RSBN1L: variants seen among roughly 807,000 people sequenced by gnomAD.
RSBN1L encodes the protein round spermatid basic protein 1 like.
In RSBN1L, 30 loss-of-function variants were observed where a neutral mutation model predicts 67.7. The observed-to-expected ratio is 0.44, with a 90% confidence interval of 0.33 to 0.60. The LOEUF (loss-of-function observed/expected upper bound fraction) is 0.60. RSBN1L is among the 20% of genes least tolerant of loss of function. The pLI is 0.02. For synonymous variants in RSBN1L, 433 were observed against 387.0 expected, an observed-to-expected ratio of 1.12 and a Z score of -1.39; for missense variants, 992 against 1,031.7, an observed-to-expected ratio of 0.96 and a Z score of 0.53.
chr7:77,712,649 A>G (rs1790990929), intron 1 of RSBN1L, among the ~76,000 whole-genome samples: 1 of 152,174 alleles, frequency 6.6e-6, no homozygotes, highest in Non-Finnish European at 1.5e-5. Context: ...ATTTAGCAGT[A>G]TATTAGAAAT....
At chr7:77,742,129 A>G (rs1487093744) in intron 2 of RSBN1L, among the ~76,000 whole-genome samples, 3 of 149,150 alleles carry the variant, frequency 2.0e-5, no homozygotes, top group Non-Finnish European at 3.0e-5. Flanking sequence ...TGGGAGTACG[A>G]GACCAGCCTG....
chr7:77,731,645 T>C (rs565760818), intron 1 of RSBN1L, among the ~76,000 whole-genome samples: 1 of 152,356 alleles, frequency 6.6e-6, no homozygotes, highest in South Asian at 2.1e-4. Flanking sequence ...TCTTATAGTC[T>C]GTGGCTTCTT....
intron 1 of RSBN1L, among the ~76,000 whole-genome samples, chr7:77,726,849 C>G (rs956397629): frequency 7.2e-6 from 1 of 138,740 alleles, no homozygotes; most frequent in Non-Finnish European, 1.5e-5. Context: ...GGTGCGATCT[C>G]GGCTCACTGC....
intron 2 of RSBN1L, among the ~76,000 whole-genome samples, chr7:77,742,305 A>G (rs543870264): frequency 1.8e-4 from 28 of 152,154 alleles, no homozygotes; most frequent in African/African-American, 6.0e-4. Context: ...ACTTGGTGCA[A>G]TTTCTGAAAG....
rs1791869530 is a variant in RSBN1L at position 77,773,155 on chromosome 7, A to G, written c.1634A>G (p.Asn545Ser). 9 of 1,579,106 alleles carry G rather than the reference A, an allele frequency of 5.7e-6. No homozygotes were observed. Among genetic ancestry groups the G allele is most frequent in the Non-Finnish European group, 6.0e-6 (7 of 1,165,592 alleles). ...CTTTTTTTAAAAAACAGAACTACCAATGAAATAAAAAATCTTCAGTACCTA... is the reference window on the plus strand; with the variant it reads ...CTTTTTTTAAAAAACAGAACTACCAGTGAAATAAAAAATCTTCAGTACCTA... ...KSPFKRKRTT[N>S]EIKNLQYLPR... The change falls in exon 6 of 8, where the codon AAT (asparagine) becomes AGT (serine). Residue 545 changes from asparagine (N) to serine (S), a missense_variant. Coordinates refer to ENST00000334955, the MANE Select transcript of RSBN1L (RefSeq NM_198467.3).
chr7:77,725,169 T>C (rs974826400), intron 1 of RSBN1L, among the ~76,000 whole-genome samples: 1 of 148,752 alleles, frequency 6.7e-6, no homozygotes, highest in Non-Finnish European at 1.5e-5. Flanking sequence ...TTGCAGAAGT[T>C]TCAAATAATT....
intron 3 of RSBN1L, among the ~76,000 whole-genome samples, chr7:77,753,539 T>C (rs1043859125): frequency 2.0e-5 from 3 of 152,238 alleles, no homozygotes; most frequent in African/African-American, 7.2e-5. Flanking sequence ...GTATTGCAAA[T>C]ATTTCCTCTC....
intron 5 of RSBN1L, 37 bp downstream of exon 5, chr7:77,768,840 T>G (rs1441064561): frequency 1.3e-6 from 2 of 1,593,260 alleles, no homozygotes; most frequent in Non-Finnish European, 1.7e-6. Flanking sequence ...AGGGGATGAG[T>G]GTTTGTATGT....
chr7:77,739,986 A>G (rs1163831191), intron 2 of RSBN1L, among the ~76,000 whole-genome samples: 1 of 151,502 alleles, frequency 6.6e-6, no homozygotes, highest in African/African-American at 2.4e-5. Flanking sequence ...TCCTGAGGTC[A>G]GGCAGCCTGC....
chr7:77,773,167 A>G lies in RSBN1L; in HGVS notation c.1646A>G (p.Asn549Ser), dbSNP rs1214384446. The change falls in exon 6 of 8, where the codon AAT becomes AGT. Residue 549 changes from asparagine to serine, a missense_variant. By Grantham distance (46) the Asn-to-Ser change is conservative (BLOSUM62 1). Coordinates refer to ENST00000334955, the MANE Select transcript of RSBN1L (RefSeq NM_198467.3). ...AACAGAACTACCAATGAAATAAAAAATCTTCAGTACCTACCTCGAACAAGT... is the reference window on the plus strand; with the variant it reads ...AACAGAACTACCAATGAAATAAAAAGTCTTCAGTACCTACCTCGAACAAGT... ...KRKRTTNEIK[N>S]LQYLPRTSEP... The G allele has an allele frequency of 6.3e-7, 1 of 1,586,650 alleles. No homozygotes were observed. The highest frequency in any genetic ancestry group is 1.4e-5 in the African/African-American group (1 of 73,308).
At chr7:77,773,636 G>A (rs529887532) in intron 6 of RSBN1L, among the ~76,000 whole-genome samples, 18 of 152,116 alleles carry the variant, frequency 1.2e-4, no homozygotes, top group Non-Finnish European at 2.5e-4. Flanking sequence ...GGTGGCGCAC[G>A]CCTGTAGTCC....
rs1554338354 is a variant in RSBN1L, at chr7:77,725,243, A to AATTTTT, written c.587-11167_587-11166insATTTTT. 6.4e-4 allele frequency among the ~76,000 whole-genome samples: 37 copies of AATTTTT among 57,910 alleles called. 2 individuals carry two copies. The highest frequency in any genetic ancestry group is 3.2e-3 in the African/African-American group (36 of 11,294). The allele number at this position is 57,910 out of a possible 152,430, so 38.0% of individuals were successfully genotyped here. A position where few individuals can be genotyped will look rare whatever the true frequency, so the allele number is the denominator to read the frequency against. On this transcript the variant is annotated intron_variant, in intron 1 of 7. Coordinates refer to ENST00000334955, the MANE Select transcript of RSBN1L (RefSeq NM_198467.3). ...TTTCTTCCCTAGGGATAAGCCCCCC[A>AATTTTT]CTTTTTTTTTTTTTTTTTTTTTGAG...
Position 77,721,575 on chromosome 7 carries a change from G to A in RSBN1L, c.587-14835G>A, listed in dbSNP as rs532755624. ...AAATTTCACCGTAATCTTACAGGAT[G>A]TGTAGGATTTGGGCAGGAGGAATTG... On this transcript the variant is annotated intron_variant, in intron 1 of 7. Transcript: ENST00000334955. Among the ~76,000 whole-genome samples, 7 of 152,312 alleles carry A rather than the reference G, an allele frequency of 4.6e-5. No homozygotes were observed. The East Asian group carries it at 1.4e-3, about 29-fold the overall frequency.
chr7:77,750,218 G>A (rs1343365970), intron 3 of RSBN1L, among the ~76,000 whole-genome samples, 154 bp downstream of exon 3: 4 of 148,990 alleles, frequency 2.7e-5, no homozygotes, highest in African/African-American at 9.9e-5. Context: ...CTTGATGTGA[G>A]CATCAGAATT....
chr7:77,739,087 C>A (rs750965861), intron 2 of RSBN1L, among the ~76,000 whole-genome samples: 1 of 152,190 alleles, frequency 6.6e-6, no homozygotes, highest in Non-Finnish European at 1.5e-5. Flanking sequence ...TCTGTTGTTA[C>A]TATCTACGAG....
intron 1 of RSBN1L, among the ~76,000 whole-genome samples, chr7:77,708,336 G>A (rs1203076772): frequency 1.3e-5 from 2 of 152,064 alleles, no homozygotes; most frequent in East Asian, 1.9e-4. Context: ...AGATGGCATG[G>A]CAGTTGAAAG....
rs1421819345 is a variant in RSBN1L at position 77,768,657 on chromosome 7, C to G, written c.1483-4C>G. On this transcript the variant is annotated splice_region_variant and splice_polypyrimidine_tract_variant and intron_variant, in intron 4 of 7. Transcript: ENST00000334955. The stretch of plus-strand genomic sequence containing the variant: ...TTGCAATCTGCATAATTATTTATCT[C>G]CAGTGTACACTGCCATGGGGGACGC... 2 of 1,611,304 alleles carry G rather than the reference C, an allele frequency of 1.2e-6. No homozygotes were observed. Among genetic ancestry groups the G allele is most frequent in the Admixed American group, 1.7e-5 (1 of 59,694 alleles).
At chr7:77,735,168 T>C (rs188427916) in intron 1 of RSBN1L, among the ~76,000 whole-genome samples, 1 of 152,190 alleles carries the variant, frequency 6.6e-6, no homozygotes, top group Non-Finnish European at 1.5e-5. Context: ...TGAATTTAAT[T>C]TTTTGAAAAT....
chr7:77,726,420 C>T (rs575701152), intron 1 of RSBN1L, among the ~76,000 whole-genome samples: 3 of 152,210 alleles, frequency 2.0e-5, no homozygotes, highest in South Asian at 2.1e-4. Flanking sequence ...TTTTGTGGAA[C>T]GTCTCCCAAC....
Sources: gnomAD v4.1 joint callset for allele counts (sites outside exome capture counted in the v4.1 genomes callset) on GRCh38, gnomAD v4.1.1 for gene constraint, MANE v1.5 for transcripts, NCBI Gene and HGNC (gene_info 2026-07-23, HGNC 2026-07-21) for gene names.